Variants in ADGRG6 observed in about 807,000 individuals in gnomAD.
ADGRG6 encodes G-protein coupled receptor 126.
Under a neutral mutation model 142.4 loss-of-function variants are expected in ADGRG6, and 84 were observed. The ratio of observed to expected loss-of-function variants is 0.59; its 90% confidence interval spans 0.49 to 0.71. ADGRG6 has a LOEUF of 0.71. Among genes scored for constraint, ADGRG6 ranks in the 30% least tolerant of loss-of-function variants. ADGRG6 has a pLI of 0.00. For synonymous variants in ADGRG6, 521 were observed against 520.5 expected (o/e 1.00, Z -0.01); for missense variants, 1,367 against 1,466.6 (o/e 0.93, Z 1.11).
At chr6:142,420,214 T>G (rs758828666) in intron 22 of ADGRG6, 110 bp downstream of exon 22, 14 of 809,180 alleles carry the variant, frequency 1.7e-5, no homozygotes, top group Non-Finnish European at 2.8e-5. Context: ...CTATTTCAAG[T>G]GCTGAATATA....
rs567653262 is a variant in ADGRG6 at position 142,363,220 on chromosome 6, G to C, written c.104-4349G>C. Among the ~76,000 whole-genome samples, 5 of 152,108 alleles carry C rather than the reference G, an allele frequency of 3.3e-5. No individual in the cohort carries two copies. The East Asian group carries it at 9.6e-4, about 29-fold the overall frequency. ...AGAAGCTAAAATTGATCTCCATTTTGATTTATCTCTTGGGATCTAAAATTC... is the reference window on the plus strand; with the variant it reads ...AGAAGCTAAAATTGATCTCCATTTTCATTTATCTCTTGGGATCTAAAATTC... On this transcript the variant is annotated intron_variant, in intron 2 of 24. Transcript: ENST00000367609.
intron 2 of ADGRG6, among the ~76,000 whole-genome samples, chr6:142,365,913 A>T (rs977884782): frequency 6.6e-6 from 1 of 152,204 alleles, no homozygotes; most frequent in African/African-American, 2.4e-5. Flanking sequence ...ATTCTAGTCA[A>T]CTCAGTAAAA....
At chr6:142,442,522 A>G (rs1777806209) in intron 24 of ADGRG6, among the ~76,000 whole-genome samples, 1 of 152,112 alleles carries the variant, frequency 6.6e-6, no homozygotes, top group Admixed American at 6.6e-5. Context: ...TTTAGAAAAA[A>G]TTATTTAGCA....
chr6:142,429,824 G>A (rs748438373), intron 22 of ADGRG6, among the ~76,000 whole-genome samples: 1 of 152,140 alleles, frequency 6.6e-6, no homozygotes, highest in Non-Finnish European at 1.5e-5. Flanking sequence ...GGCCAAGGCA[G>A]GAGGGTTTCT....
intron 17 of ADGRG6, 92 bp from the exon 18 acceptor site, chr6:142,411,213 G>A: frequency 2.7e-6 from 2 of 740,380 alleles, no homozygotes; most frequent in South Asian, 1.5e-5. Flanking sequence ...TGGCAGAAGA[G>A]ACTGAGGCAA....
intron 22 of ADGRG6, 60 bp downstream of exon 22, chr6:142,420,164 C>T (rs1776593038): frequency 7.3e-7 from 1 of 1,370,374 alleles, no homozygotes; most frequent in Admixed American, 1.8e-5. Flanking sequence ...TTGCAAGCAG[C>T]TTCACTTTTG....
chr6:142,302,185 T>C lies in ADGRG6; in HGVS notation c.-145T>C, dbSNP rs1266670123. On this transcript the variant is annotated 5_prime_UTR_variant, in exon 1 of 25. Transcript: ENST00000367609. Reference sequence around the variant, plus strand: ...CGCCGTCGGGAAAGCCCATGAACTCTCCAGAAACGGCGTAAAGGAGGGTCC... The same window carrying C: ...CGCCGTCGGGAAAGCCCATGAACTCCCCAGAAACGGCGTAAAGGAGGGTCC... 4 of 867,082 alleles carry C rather than the reference T, an allele frequency of 4.6e-6. No individual in the cohort carries two copies. Among genetic ancestry groups the C allele is most frequent in the Non-Finnish European group, 7.0e-6 (4 of 568,300 alleles). The allele number at this position is 867,082 out of a possible 1,614,324, so 53.7% of individuals were successfully genotyped here.
In ADGRG6 at chr6:142,302,289, G is replaced by C; in HGVS notation, c.-41G>C. ...GCAGAGCGGGAAAGTGGTGGAGGAT[G>C]ATCTTGCGGCCAAAGGGGACCTCGG... On this transcript the variant is annotated 5_prime_UTR_variant, in exon 1 of 25. It removes an upstream start codon present in the reference 5' UTR. Transcript: ENST00000367609. The C allele has an allele frequency of 6.2e-7, 1 of 1,610,312 alleles. No individual in the cohort carries two copies. The highest frequency in any genetic ancestry group is 8.5e-7 in the Non-Finnish European group (1 of 1,177,988).
intron 2 of ADGRG6, among the ~76,000 whole-genome samples, chr6:142,328,009 A>T (rs1379086720): frequency 6.6e-6 from 1 of 152,116 alleles, no homozygotes; most frequent in Non-Finnish European, 1.5e-5. Flanking sequence ...TACGTTACAG[A>T]TAAGGAGACC....
At chr6:142,417,123 C>T in intron 20 of ADGRG6, 150 bp from the exon 21 acceptor site, 1 of 690,164 alleles carries the variant, frequency 1.4e-6, no homozygotes, top group Non-Finnish European at 2.7e-6. Flanking sequence ...ACCAAGTTGC[C>T]ATTTCTAAGA....
At chr6:142,426,515 C>T (rs1776955569) in intron 22 of ADGRG6, among the ~76,000 whole-genome samples, 1 of 152,202 alleles carries the variant, frequency 6.6e-6, no homozygotes, top group Non-Finnish European at 1.5e-5. Flanking sequence ...CAGCTGCTTT[C>T]ACAGGCTGAC....
intron 2 of ADGRG6, among the ~76,000 whole-genome samples, chr6:142,315,650 G>C (rs1474904544): frequency 6.6e-6 from 1 of 151,880 alleles, no homozygotes. Context: ...GGCCAACATG[G>C]TGAAACCCCG....
rs575702480 is a variant in ADGRG6, at chr6:142,327,286, G to A, written c.103+17642G>A. ...AATTCATTAAAAAAAAAAAGTCTTT[G>A]GGGACTAGGAGGAACTGGAAGTACC... On this transcript the variant is annotated intron_variant, in intron 2 of 24. Transcript: ENST00000367609. 2.6e-4 allele frequency among the ~76,000 whole-genome samples: 40 copies of A among 151,834 alleles called. No individual in the cohort carries two copies. In the South Asian group the frequency reaches 6.7e-3, roughly 25 times the overall value.
chr6:142,386,819 G>T (rs1172218550), intron 6 of ADGRG6, among the ~76,000 whole-genome samples: 1 of 152,034 alleles, frequency 6.6e-6, no homozygotes, highest in Non-Finnish European at 1.5e-5. Context: ...CCCTGGCCAG[G>T]ACTCCATCCC....
At position 142,382,008 on chromosome 6, in the gene ADGRG6, C is replaced by T; in HGVS notation, c.1127C>T (p.Thr376Ile). 6.2e-7 allele frequency: 1 copy of T among 1,600,228 alleles called. No individual in the cohort carries two copies. The highest frequency in any genetic ancestry group is 1.3e-5 in the African/African-American group (1 of 74,760). Residue 376 changes from threonine (T) to isoleucine (I), a missense_variant, in exon 5 of 25, where the codon ACC (threonine) becomes ATC (isoleucine). By Grantham distance (89) the Thr-to-Ile change is moderately conservative (BLOSUM62 -1). Around this residue, in one of 3 missense-constraint regions of ADGRG6, gnomAD observed 737 missense variants for 746.5 expected, o/e 0.99. Coordinates refer to ENST00000367609, the MANE Select transcript of ADGRG6 (RefSeq NM_198569.3). ...AELASCADLGTLCQATVNSPS... is the reference protein window; with the variant it reads ...AELASCADLGILCQATVNSPS... Reference sequence around the variant, plus strand: ...CTGGCCAGCTGTGCAGACCTGGGGACCCTCTGTCAAGGTAGGGAGCCCACA... The same window carrying T: ...CTGGCCAGCTGTGCAGACCTGGGGATCCTCTGTCAAGGTAGGGAGCCCACA...
intron 2 of ADGRG6, among the ~76,000 whole-genome samples, chr6:142,363,084 A>G (rs1033758388): frequency 3.9e-5 from 6 of 152,172 alleles, no homozygotes; most frequent in African/African-American, 1.4e-4. Context: ...CTGCAATTTT[A>G]TATATGTTCA....
In ADGRG6 at chr6:142,417,288, TG is replaced by T; in HGVS notation, c.2956del (p.Val986CysfsTer5). On this transcript the variant is annotated frameshift_variant, in exon 21 of 25. Coordinates refer to ENST00000367609, the MANE Select transcript of ADGRG6 (RefSeq NM_198569.3). LOFTEE classifies it high-confidence loss of function. ...CIIGWGLPAL[V>X]VSVVLASRNN... ...TTTGTAACAGGTTTGCCTGCCTTAG[TG>T]GTGTCAGTTGTTCTAGCGAGCAGAA... The T allele has an allele frequency of 6.3e-7, 1 of 1,595,556 alleles. No individual in the cohort carries two copies.
intron 2 of ADGRG6, among the ~76,000 whole-genome samples, chr6:142,316,331 A>T (rs549713202): frequency 6.6e-6 from 1 of 152,308 alleles, no homozygotes; most frequent in East Asian, 1.9e-4. Flanking sequence ...GATTGTGTCA[A>T]CCATTTAAAA....
chr6:142,377,328 G>C (rs1781548866), intron 4 of ADGRG6, among the ~76,000 whole-genome samples: 1 of 152,204 alleles, frequency 6.6e-6, no homozygotes, highest in Non-Finnish European at 1.5e-5. Flanking sequence ...TTGATTCCCA[G>C]GTCCCCACAG....
Sources: allele counts gnomAD v4.1 joint callset (sites outside exome capture counted in the v4.1 genomes callset), GRCh38; gene constraint gnomAD v4.1.1; regional missense constraint gnomAD v4.1.1; transcripts MANE v1.5; gene names NCBI Gene and HGNC (gene_info 2026-07-23, HGNC 2026-07-21).